The following KDM2A variants were observed in gnomAD, a reference collection of about 807,000 sequenced individuals.
KDM2A encodes lysine-specific demethylase 2A.
Under a neutral mutation model 137.3 loss-of-function variants are expected in KDM2A, and 3 were observed. The ratio of observed to expected loss-of-function variants is 0.02; its 90% CI spans 0.01 to 0.06. The LOEUF is 0.06. Ranked by LOEUF, KDM2A falls within the 10% of genes least tolerant of loss-of-function variation. The pLI, the probability that KDM2A is intolerant of heterozygous loss-of-function variation, is 1.00. For missense variants in KDM2A, 738 were observed against 1,510.6 expected (o/e 0.49, Z 8.48); for synonymous variants, 512 against 541.5 (o/e 0.95, Z 0.76).
At chr11:67,198,167 A>G (rs951416907) in intron 5 of KDM2A, among the ~76,000 whole-genome samples, 4 of 152,216 alleles carry the variant, frequency 2.6e-5, no homozygotes, top group Non-Finnish European at 5.9e-5. Flanking sequence ...GAACCCATGT[A>G]GTTCAAACCA....
At chr11:67,230,555 G>C (rs1396245782) in intron 11 of KDM2A, among the ~76,000 whole-genome samples, 1 of 151,936 alleles carries the variant, frequency 6.6e-6, no homozygotes, top group Non-Finnish European at 1.5e-5. Context: ...GAGCCCAGGA[G>C]GTTGAGGCTG....
Position 67,143,789 on chromosome 11 carries a change from T to C in KDM2A, c.42+22431T>C, listed in dbSNP as rs369410691. Among the ~76,000 whole-genome samples, 1,018 of 150,356 alleles carry C rather than the reference T, an allele frequency of 6.8e-3. 22 individuals are homozygous for C. The highest frequency in any genetic ancestry group is 0.024 in the African/African-American group (967 of 40,820). ...CTGGGATTACAGGCGTGTGCCACCA[T>C]GCCCAACTAATTTCTGTATTTTTAG... is the stretch of plus-strand genomic sequence containing the variant. On this transcript the variant is annotated intron_variant, in intron 2 of 20. Transcript: ENST00000529006.
rs184842339 is a variant in KDM2A, at chr11:67,233,282, G to A, written c.1479+1322G>A. ...ACCTGTAATCCTAGCACTTTGAGAGGCCAAGGTGGGAGGATCACCTGAGGT... is the reference window on the plus strand; with the variant it reads ...ACCTGTAATCCTAGCACTTTGAGAGACCAAGGTGGGAGGATCACCTGAGGT... On this transcript the variant is annotated intron_variant, in intron 12 of 20. Transcript: ENST00000529006. Among the ~76,000 whole-genome samples the A allele has an allele frequency of 6.9e-3, 1,037 of 149,702 alleles. 9 individuals carry two copies. The highest frequency in any genetic ancestry group is 0.024 in the African/African-American group (993 of 40,780).
chr11:67,146,498 C>G (rs1311090112), intron 2 of KDM2A, among the ~76,000 whole-genome samples: 1 of 151,858 alleles, frequency 6.6e-6, no homozygotes, highest in Non-Finnish European at 1.5e-5. Context: ...CAGATTCTCT[C>G]TCTTTGTCTG....
At chr11:67,211,057 AAAAC>A (rs537859986) in intron 6 of KDM2A, among the ~76,000 whole-genome samples, 46 of 152,240 alleles carry the variant, frequency 3.0e-4, no homozygotes, top group Middle Eastern at 3.4e-3. Flanking sequence ...ACCCTATTTC[AAAAC>A]AAACAAACAA....
intron 10 of KDM2A, among the ~76,000 whole-genome samples, chr11:67,224,634 A>AT (rs1858477271): frequency 6.7e-6 from 1 of 149,884 alleles, no homozygotes; most frequent in African/African-American, 2.5e-5. Context: ...AGCCCGGCCA[A>AT]TTTTTATATT....
chr11:67,129,733 C>CAAAA (rs200961023), intron 2 of KDM2A, among the ~76,000 whole-genome samples: 1 of 56,496 alleles, frequency 1.8e-5, no homozygotes, highest in Non-Finnish European at 3.9e-5. Flanking sequence ...GACTCCATCT[C>CAAAA]AAAAAAAAAA....
chr11:67,180,962 CTTT>C (rs374121079), intron 3 of KDM2A, among the ~76,000 whole-genome samples: 10 of 137,940 alleles, frequency 7.2e-5, no homozygotes, highest in Non-Finnish European at 7.9e-5. Context: ...ACACCTGGCC[CTTT>C]TTTTTTTTTT....
chr11:67,126,462 CT>C (rs1230373578), intron 2 of KDM2A, among the ~76,000 whole-genome samples: 1 of 151,712 alleles, frequency 6.6e-6, no homozygotes, highest in East Asian at 1.9e-4. Flanking sequence ...GATCCCAGCA[CT>C]TTGGGAGGCT....
chr11:67,236,606 T>C (rs1858879105), intron 12 of KDM2A, among the ~76,000 whole-genome samples: 1 of 152,216 alleles, frequency 6.6e-6, no homozygotes, highest in African/African-American at 2.4e-5. Context: ...CTTTCCTGTT[T>C]TCTCTAAACA....
intron 2 of KDM2A, among the ~76,000 whole-genome samples, chr11:67,163,792 G>T (rs1162457190): frequency 6.6e-6 from 1 of 151,650 alleles, no homozygotes; most frequent in Non-Finnish European, 1.5e-5. Flanking sequence ...AGAGTCGGAG[G>T]TTGCAGTGAG....
chr11:67,236,288 G>A (rs1349395445), intron 12 of KDM2A, among the ~76,000 whole-genome samples: 1 of 151,864 alleles, frequency 6.6e-6, no homozygotes. Flanking sequence ...GTGCCACCAC[G>A]CCTGGCTAAT....
At chr11:67,226,236 G>A (rs1858539080) in intron 10 of KDM2A, among the ~76,000 whole-genome samples, 1 of 151,226 alleles carries the variant, frequency 6.6e-6, no homozygotes, top group African/African-American at 2.4e-5. Context: ...TAGCCTTGGT[G>A]ACAGAGCGAG....
At chr11:67,219,997 G>C (rs540659774) in intron 10 of KDM2A, among the ~76,000 whole-genome samples, 1 of 151,112 alleles carries the variant, frequency 6.6e-6, no homozygotes, top group African/African-American at 2.4e-5. Flanking sequence ...ATAGTGAATG[G>C]GAAAAAGTAA....
At chr11:67,239,304 G>A (rs1021446028) in intron 12 of KDM2A, among the ~76,000 whole-genome samples, 1 of 152,194 alleles carries the variant, frequency 6.6e-6, no homozygotes, top group African/African-American at 2.4e-5. Flanking sequence ...ACTTGGTCAC[G>A]GTGGAACTGC....
Position 67,247,071 on chromosome 11 carries a change from A to ATT in KDM2A, c.1965+988_1965+989dup, listed in dbSNP as rs1156333048. Among the ~76,000 whole-genome samples the ATT allele has an allele frequency of 1.6e-3, 27 of 16,784 alleles. 2 individuals are homozygous for ATT. Among genetic ancestry groups the ATT allele is most frequent in the South Asian group, 4.8e-3 (1 of 208 alleles). 11.0% of individuals were successfully genotyped at this position (16,784 alleles called of 152,430 possible). ...TATATATATATATATATATATATAT[A>ATT]TTTTTTTTTTTTTTTTTTTTTTTTT... On this transcript the variant is annotated intron_variant, in intron 15 of 20. Coordinates refer to ENST00000529006, the MANE Select transcript of KDM2A (RefSeq NM_012308.3).
At chr11:67,191,272 G>A (rs1249821678) in intron 5 of KDM2A, among the ~76,000 whole-genome samples, 3 of 151,950 alleles carry the variant, frequency 2.0e-5, no homozygotes, top group East Asian at 3.9e-4. Flanking sequence ...TGATCTGCTC[G>A]CCTCGGCCTC....
chr11:67,181,824 C>T (rs1015082729), intron 4 of KDM2A, 22 bp from the exon 5 acceptor site: 6 of 1,609,890 alleles, frequency 3.7e-6, no homozygotes, highest in Middle Eastern at 1.7e-4. Flanking sequence ...TCCATATATA[C>T]TTACTGGTGT....
At chr11:67,178,590 C>T (rs933245471) in intron 2 of KDM2A, among the ~76,000 whole-genome samples, 1 of 152,084 alleles carries the variant, frequency 6.6e-6, no homozygotes, top group South Asian at 2.1e-4. Flanking sequence ...TAGTTTCTGT[C>T]TCTATGGATT....
Sources: gnomAD v4.1 joint callset for allele counts (sites outside exome capture counted in the v4.1 genomes callset) on GRCh38, gnomAD v4.1.1 for gene constraint, MANE v1.5 for transcripts, NCBI Gene and HGNC (gene_info 2026-07-23, HGNC 2026-07-21) for gene names.